MARK3: variants seen among roughly 807,000 people sequenced by gnomAD.
MARK3 encodes the protein MAP/microtubule affinity-regulating kinase 3.
In MARK3, 46 loss-of-function variants were observed where a neutral mutation model predicts 90.1. That is an observed-to-expected ratio of 0.51 (90% confidence interval 0.40 to 0.65). MARK3 has a LOEUF of 0.65. MARK3 is among the 30% of genes least tolerant of loss of function. The probability of loss-of-function intolerance (pLI) is 0.00; values close to 1 mark genes in which losing one functional copy is unlikely to be tolerated. For missense variants in MARK3, 818 were observed against 947.2 expected (o/e 0.86, Z 1.79); for synonymous variants, 321 against 332.6 (o/e 0.97, Z 0.38).
chr14:103,502,776 A>G (rs1207316056), intron 17 of MARK3, 106 bp from the exon 18 acceptor site: 21 of 818,296 alleles, frequency 2.6e-5, no homozygotes, highest in Non-Finnish European at 4.0e-5. Flanking sequence ...TGTGGAGGTC[A>G]GTCGTTAGTT....
chr14:103,402,280 C>T (rs1206786405), intron 1 of MARK3, among the ~76,000 whole-genome samples: 2 of 152,042 alleles, frequency 1.3e-5, no homozygotes, highest in African/African-American at 4.8e-5. Context: ...TGGCCGAGCG[C>T]GGTGGCTCAT....
chr14:103,491,915 A>G lies in MARK3; in HGVS notation c.1725A>G (p.Ala575=), dbSNP rs1304650395. 1 of 1,614,164 alleles carries G rather than the reference A, an allele frequency of 6.2e-7. No homozygotes were observed. Among genetic ancestry groups the G allele is most frequent in the Non-Finnish European group, 8.5e-7 (1 of 1,180,036 alleles). The change falls in exon 15 of 18, where the codon GCA becomes GCG. Residue 575 remains alanine (A), a synonymous_variant. Transcript: ENST00000429436. ...FHGQPRERRT[A]TYNGPPASPS... ...GCCAGCCCCGGGAACGGCGAACCGC[A>G]ACATATAATGGCCCTCCTGCCTCTC...
intron 2 of MARK3, among the ~76,000 whole-genome samples, chr14:103,406,431 T>G (rs2091303282): frequency 6.7e-6 from 1 of 150,304 alleles, no homozygotes; most frequent in African/African-American, 2.5e-5. Context: ...GAGGTGGGGT[T>G]TCACCATGTT....
chr14:103,458,797 T>C (rs1308335714), intron 6 of MARK3: 2 of 710,118 alleles, frequency 2.8e-6, no homozygotes, highest in African/African-American at 3.5e-5. Flanking sequence ...TTTACATTTG[T>C]AAGTGATAGG....
At chr14:103,448,989 A>G (rs369870933) in intron 4 of MARK3, 22 bp downstream of exon 4, 11 of 1,559,448 alleles carry the variant, frequency 7.1e-6, no homozygotes, top group African/African-American at 1.4e-5. Flanking sequence ...TTTTTTAAAT[A>G]TTTTGGGGTC....
At chr14:103,455,589 G>A (rs539788301) in intron 5 of MARK3, among the ~76,000 whole-genome samples, 3 of 152,104 alleles carry the variant, frequency 2.0e-5, no homozygotes, top group South Asian at 2.1e-4. Context: ...TTAGCCGGGT[G>A]TGGTGACGCA....
intron 2 of MARK3, among the ~76,000 whole-genome samples, chr14:103,413,788 A>G (rs1323468960): frequency 6.6e-6 from 1 of 152,056 alleles, no homozygotes; most frequent in African/African-American, 2.4e-5. Flanking sequence ...GTCAAATAAA[A>G]TGGGATCATA....
chr14:103,482,257 A>T (rs60236703), intron 14 of MARK3, among the ~76,000 whole-genome samples: 7,136 of 151,964 alleles, frequency 0.047, 591 homozygotes, highest in African/African-American at 0.17. Context: ...ACAGTGGCTC[A>T]CACCTGTAAT....
chr14:103,493,874 C>CAAA (rs539464779), intron 15 of MARK3, among the ~76,000 whole-genome samples: 19 of 87,560 alleles, frequency 2.2e-4, no homozygotes, highest in African/African-American at 4.5e-4. Context: ...GACTGTGTCT[C>CAAA]AAAAAAAAAA....
At chr14:103,422,653 G>A (rs2092264488) in intron 2 of MARK3, among the ~76,000 whole-genome samples, 1 of 152,106 alleles carries the variant, frequency 6.6e-6, no homozygotes, top group Admixed American at 6.6e-5. Flanking sequence ...GTGAACCACT[G>A]TGCCACCTTC....
chr14:103,442,938 G>A (rs2092894814), intron 3 of MARK3, among the ~76,000 whole-genome samples: 1 of 131,430 alleles, frequency 7.6e-6, no homozygotes, highest in Non-Finnish European at 1.7e-5. Context: ...AACTTTGGTG[G>A]GTGTCCCCCC....
At chr14:103,467,261 T>A in intron 11 of MARK3, 70 bp downstream of exon 11, 1 of 692,268 alleles carries the variant, frequency 1.4e-6, no homozygotes, top group Non-Finnish European at 2.4e-6. Flanking sequence ...GTTTTCTTAG[T>A]TTTTATCTTT....
Position 103,386,095 on chromosome 14 carries a change from C to T in MARK3, c.51+15C>T, listed in dbSNP as rs761592960. On this transcript the variant is annotated intron_variant, in intron 1 of 17. Coordinates refer to ENST00000429436, the MANE Select transcript of MARK3 (RefSeq NM_001128918.3). ...ACACTGAAAACGTAAGTAACCTGGG[C>T]GTTGTAGTTGGCGGACCTTCGGGGT... The T allele has an allele frequency of 1.2e-6, 2 of 1,613,828 alleles. No individual in the cohort carries two copies. The highest frequency in any genetic ancestry group is 2.2e-5 in the South Asian group (2 of 91,084).
At chr14:103,500,310 G>A in intron 17 of MARK3, 110 bp downstream of exon 17, 1 of 823,606 alleles carries the variant, frequency 1.2e-6, no homozygotes. Flanking sequence ...TGTCTCTGTA[G>A]GAGTTACGTA....
intron 12 of MARK3, among the ~76,000 whole-genome samples, chr14:103,470,835 C>T (rs2093614491): frequency 6.6e-6 from 1 of 152,156 alleles, no homozygotes; most frequent in African/African-American, 2.4e-5. Flanking sequence ...CTGCACAGGG[C>T]ATTTTAGGTG....
intron 2 of MARK3, among the ~76,000 whole-genome samples, chr14:103,424,787 A>T (rs1186600221): frequency 6.6e-6 from 1 of 152,146 alleles, no homozygotes; most frequent in Non-Finnish European, 1.5e-5. Flanking sequence ...ACCATGTAAA[A>T]TTACTTATGA....
intron 13 of MARK3, among the ~76,000 whole-genome samples, chr14:103,479,135 C>G (rs942573173): frequency 2.0e-5 from 3 of 152,144 alleles, no homozygotes; most frequent in African/African-American, 7.2e-5. Context: ...ATCCTCCCAC[C>G]TCAGCCTCCC....
chr14:103,417,056 C>G (rs974293658), intron 2 of MARK3, among the ~76,000 whole-genome samples: 1 of 152,042 alleles, frequency 6.6e-6, no homozygotes, highest in Non-Finnish European at 1.5e-5. Context: ...AGGTTGGTGA[C>G]CAAGGATTTA....
chr14:103,503,240 G>A lies in MARK3; in HGVS notation c.*13G>A. 1 of 1,586,844 alleles carries A rather than the reference G, an allele frequency of 6.3e-7. No homozygotes were observed. Among genetic ancestry groups the A allele is most frequent in the South Asian group, 1.1e-5 (1 of 88,998 alleles). ...GCTAAAGCTGTAACCCAGTGATTATGATGTAAATTAAGTAGCAATTAAAGT... is the reference window on the plus strand; with the variant it reads ...GCTAAAGCTGTAACCCAGTGATTATAATGTAAATTAAGTAGCAATTAAAGT... On this transcript the variant is annotated 3_prime_UTR_variant, in exon 18 of 18. Coordinates refer to ENST00000429436, the MANE Select transcript of MARK3 (RefSeq NM_001128918.3).
Sources: gnomAD v4.1 joint callset for allele counts (sites outside exome capture counted in the v4.1 genomes callset) on GRCh38, gnomAD v4.1.1 for gene constraint, MANE v1.5 for transcripts, NCBI Gene and HGNC (gene_info 2026-07-23, HGNC 2026-07-21) for gene names.